Variants in GDPD1 observed in about 807,000 individuals in gnomAD.
GDPD1 encodes lysophospholipase D GDPD1.
A neutral mutation model predicts 45.1 loss-of-function variants in GDPD1; 28 were observed. The ratio of observed to expected loss-of-function variants is 0.62; its 90% confidence interval spans 0.46 to 0.85. The LOEUF (loss-of-function observed/expected upper bound fraction) is 0.85. Among genes scored for constraint, GDPD1 ranks in the 40% least tolerant of loss-of-function variants. The probability of loss-of-function intolerance (pLI) is 0.00; values close to 1 mark genes in which losing one functional copy is unlikely to be tolerated. For missense variants in GDPD1, 256 were observed against 364.8 expected (o/e 0.70, Z 2.43); for synonymous variants, 139 against 131.4 (o/e 1.06, Z -0.40).
intron 4 of GDPD1, among the ~76,000 whole-genome samples, chr17:59,251,743 C>A (rs1377053419): frequency 6.6e-6 from 1 of 151,994 alleles, no homozygotes; most frequent in Non-Finnish European, 1.5e-5. Context: ...CAGTGGCTCA[C>A]ATCTGTAATC....
intron 6 of GDPD1, among the ~76,000 whole-genome samples, chr17:59,259,834 C>A (rs1373231863): frequency 4.0e-5 from 6 of 149,178 alleles, no homozygotes; most frequent in Non-Finnish European, 7.4e-5. Flanking sequence ...CCAAGGCGGA[C>A]AGATCACTTT....
intron 2 of GDPD1, among the ~76,000 whole-genome samples, chr17:59,244,702 G>C (rs574185367): frequency 1.2e-4 from 18 of 152,070 alleles, no homozygotes; most frequent in African/African-American, 4.3e-4. Context: ...TTAAATCAAA[G>C]TAATAAAAGT....
chr17:59,246,540 C>A (rs2047212596), intron 3 of GDPD1, among the ~76,000 whole-genome samples: 1 of 151,596 alleles, frequency 6.6e-6, no homozygotes, highest in Admixed American at 6.6e-5. Flanking sequence ...GAAACCCCAT[C>A]TCTACTAAAA....
chr17:59,264,861 G>A (rs1405939305), intron 6 of GDPD1, among the ~76,000 whole-genome samples: 1 of 151,884 alleles, frequency 6.6e-6, no homozygotes, highest in East Asian at 1.9e-4. Flanking sequence ...TTTAATTTGA[G>A]ACAGAGTCTC....
At chr17:59,245,348 G>T in intron 2 of GDPD1, 66 bp from the exon 3 acceptor site, 2 of 1,278,906 alleles carry the variant, frequency 1.6e-6, no homozygotes. Flanking sequence ...TGAATTGTTA[G>T]ATCTCATGCA....
At chr17:59,246,702 T>A in intron 3 of GDPD1, among the ~76,000 whole-genome samples, 1 of 54,282 alleles carries the variant, frequency 1.8e-5, no homozygotes. Context: ...AGAGCGAGAC[T>A]CCATCTCAAA....
At chr17:59,253,602 T>G (rs535364991) in intron 4 of GDPD1, among the ~76,000 whole-genome samples, 32 of 152,330 alleles carry the variant, frequency 2.1e-4, no homozygotes, top group Non-Finnish European at 4.3e-4. Context: ...TTCTTATGTA[T>G]TTTTTTGCTG....
At chr17:59,233,350 A>G (rs1230807851) in intron 1 of GDPD1, among the ~76,000 whole-genome samples, 1 of 152,048 alleles carries the variant, frequency 6.6e-6, no homozygotes, top group African/African-American at 2.4e-5. Context: ...CGTCTCTACT[A>G]AAAAACAAAA....
intron 4 of GDPD1, among the ~76,000 whole-genome samples, chr17:59,255,459 A>G (rs920505052): frequency 6.6e-5 from 10 of 151,094 alleles, no homozygotes; most frequent in African/African-American, 2.4e-4. Context: ...AATAAACAAT[A>G]GGCCGGGCAC....
chr17:59,244,165 T>A (rs1217450965), intron 2 of GDPD1, among the ~76,000 whole-genome samples: 2 of 149,436 alleles, frequency 1.3e-5, no homozygotes, highest in Non-Finnish European at 3.0e-5. Context: ...AGTTTGACCT[T>A]TGACTTAGGG....
intron 1 of GDPD1, among the ~76,000 whole-genome samples, chr17:59,232,532 G>T (rs527313012): frequency 4.7e-4 from 71 of 152,126 alleles, no homozygotes; most frequent in Non-Finnish European, 8.8e-4. Flanking sequence ...GGTTCTAGTT[G>T]TTCATTAATT....
At chr17:59,268,475 A>G (rs2047415938) in intron 7 of GDPD1, among the ~76,000 whole-genome samples, 1 of 145,998 alleles carries the variant, frequency 6.8e-6, no homozygotes, top group Non-Finnish European at 1.5e-5. Flanking sequence ...GCTACTCCGG[A>G]GGCTGAGGCA....
At chr17:59,229,794 A>G (rs1243639335) in intron 1 of GDPD1, among the ~76,000 whole-genome samples, 3 of 152,306 alleles carry the variant, frequency 2.0e-5, no homozygotes, top group East Asian at 3.9e-4. Flanking sequence ...AGACTCTTCC[A>G]GCTCCCTTCA....
At chr17:59,270,055 A>C (rs1030320258) in intron 7 of GDPD1, among the ~76,000 whole-genome samples, 2 of 152,178 alleles carry the variant, frequency 1.3e-5, no homozygotes, top group African/African-American at 4.8e-5. Flanking sequence ...AAGACAATGG[A>C]TATTTTCTAA....
At chr17:59,246,740 TATAAGAAA>T (rs1220640849) in intron 3 of GDPD1, among the ~76,000 whole-genome samples, 2 of 127,866 alleles carry the variant, frequency 1.6e-5, no homozygotes, top group African/African-American at 3.2e-5. Flanking sequence ...AAAGAAACAT[TATAAGAAA>T]AAAAGAAAAA....
At chr17:59,258,234 C>T (rs568950860) in intron 6 of GDPD1, among the ~76,000 whole-genome samples, 30 of 149,322 alleles carry the variant, frequency 2.0e-4, no homozygotes, top group Non-Finnish European at 3.0e-4. Flanking sequence ...GCCCTTATTA[C>T]AGTAATAATT....
At chr17:59,234,447 A>T in intron 1 of GDPD1, 45 bp from the exon 2 acceptor site, 1 of 1,255,962 alleles carries the variant, frequency 8.0e-7, no homozygotes, top group Non-Finnish European at 1.1e-6. Context: ...ACTTCAGGAA[A>T]ATTAAAATGT....
chr17:59,232,688 G>C (rs991088868), intron 1 of GDPD1, among the ~76,000 whole-genome samples: 2 of 152,136 alleles, frequency 1.3e-5, no homozygotes, highest in African/African-American at 2.4e-5. Flanking sequence ...TGAAGGACTA[G>C]AGCAGGGTGC....
At chr17:59,236,421 A>C (rs8081408) in intron 2 of GDPD1, among the ~76,000 whole-genome samples, 13,922 of 152,084 alleles carry the variant, frequency 0.092, 854 homozygotes, top group South Asian at 0.23. Context: ...ACTTAAAAAA[A>C]ATTTTTTGGA....
Sources: allele counts gnomAD v4.1 joint callset (sites outside exome capture counted in the v4.1 genomes callset), GRCh38; gene constraint gnomAD v4.1.1; transcripts MANE v1.5; gene names NCBI Gene and HGNC (gene_info 2026-07-23, HGNC 2026-07-21).